RELN: variants seen among roughly 807,000 people sequenced by gnomAD.
The protein encoded by RELN is reelin.
A neutral mutation model predicts 427.6 loss-of-function variants in RELN; 108 were observed. The ratio of observed to expected loss-of-function variants is 0.25; its 90% CI spans 0.22 to 0.30. RELN has a LOEUF of 0.30. Ranked by LOEUF, RELN falls within the 10% of genes least tolerant of loss-of-function variation. The pLI, the probability that RELN is intolerant of heterozygous loss-of-function variation, is 1.00. For synonymous variants in RELN, 1,524 were observed against 1,513.4 expected, an observed-to-expected ratio of 1.01 and a Z score of -0.16; for missense variants, 3,715 against 4,302.8, an observed-to-expected ratio of 0.86 and a Z score of 3.82.
Position 103,557,997 on chromosome 7 carries a change from T to A in RELN, c.5582A>T (p.Tyr1861Phe). ...TATAAATCTAAGTGAAAACTGGACA[T>A]ACATTGTATTTGTACAATCTAGATC... The part of the protein sequence containing the change: ...SRDLDCTNTM[Y>F]VQFSLRFIAK... The change falls in exon 37 of 65, where the codon TAT (tyrosine) becomes TTT (phenylalanine). Residue 1861 changes from tyrosine (Y) to phenylalanine (F), a missense_variant. Around this residue, in one of 4 missense-constraint regions of RELN, gnomAD observed 2,208 missense variants for 2,361.7 expected, o/e 0.93. Transcript: ENST00000428762. 1 of 1,480,228 alleles carries A rather than the reference T, an allele frequency of 6.8e-7. No homozygotes were observed. Among genetic ancestry groups the A allele is most frequent in the Non-Finnish European group, 9.4e-7 (1 of 1,058,228 alleles). 91.7% of individuals were successfully genotyped at this position (1,480,228 alleles called of 1,614,324 possible). A position where few individuals can be genotyped will look rare whatever the true frequency, so the allele number is the denominator to read the frequency against.
At position 103,574,143 on chromosome 7, in the gene RELN, C is replaced by T. The variant is rs757645605; in HGVS notation, c.4460G>A (p.Gly1487Asp). 1 of 1,614,164 alleles carries T rather than the reference C, an allele frequency of 6.2e-7. No homozygotes were observed. Among genetic ancestry groups the T allele is most frequent in the African/African-American group, 1.3e-5 (1 of 75,036 alleles). The change falls in exon 30 of 65, where the codon GGC becomes GAC. Residue 1487 changes from glycine to aspartate, a missense_variant. Coordinates refer to ENST00000428762, the MANE Select transcript of RELN (RefSeq NM_005045.4). ...LNDGKSLYFN[G>D]PGKREARTVP... The stretch of plus-strand genomic sequence containing the variant: ...CGTCCGGGCTTCCCTTTTCCCAGGG[C>T]CATTGAAGTAGAGAGATTTGCCATC...
chr7:103,944,986 TA>T (rs1225409777), intron 1 of RELN, among the ~76,000 whole-genome samples: 1 of 152,002 alleles, frequency 6.6e-6, no homozygotes, highest in Non-Finnish European at 1.5e-5. Context: ...GGTATGTTAT[TA>T]AAAAACAAAC....
At chr7:103,866,272 T>G (rs1204212386) in intron 2 of RELN, among the ~76,000 whole-genome samples, 1 of 152,082 alleles carries the variant, frequency 6.6e-6, no homozygotes, top group Admixed American at 6.6e-5. Context: ...CACTACAGCT[T>G]TAATACAACA....
At chr7:103,769,747 A>C (rs1791517483) in intron 4 of RELN, among the ~76,000 whole-genome samples, 1 of 152,206 alleles carries the variant, frequency 6.6e-6, no homozygotes, top group Non-Finnish European at 1.5e-5. Flanking sequence ...TTCACAGAAC[A>C]TCAACTTCAG....
chr7:103,823,097 G>A (rs1245217312), intron 3 of RELN, among the ~76,000 whole-genome samples: 1 of 151,864 alleles, frequency 6.6e-6, no homozygotes, highest in African/African-American at 2.4e-5. Flanking sequence ...TTAGGTAATT[G>A]CCCTTTTATC....
Position 103,472,605 on chromosome 7 carries a change from A to C in RELN, c.*207T>G. On this transcript the variant is annotated 3_prime_UTR_variant, in exon 65 of 65. Coordinates refer to ENST00000428762, the MANE Select transcript of RELN (RefSeq NM_005045.4). ...TCACAACTTTCACGGACACATCAAC[A>C]TGAAGACATTTACTTATGAGCAAAT... 1.8e-6 allele frequency: 1 copy of C among 563,376 alleles called. No homozygotes were observed. Among genetic ancestry groups the C allele is most frequent in the Non-Finnish European group, 3.2e-6 (1 of 312,510 alleles). 34.9% of individuals were successfully genotyped at this position (563,376 alleles called of 1,614,324 possible).
At chr7:103,699,163 TA>T (rs1220148681) in intron 9 of RELN, among the ~76,000 whole-genome samples, 1 of 152,126 alleles carries the variant, frequency 6.6e-6, no homozygotes, top group Non-Finnish European at 1.5e-5. Context: ...TTGCTAAGAT[TA>T]AAAGTGGTAC....
At chr7:103,504,482 G>C (rs1487025973) in intron 51 of RELN, 3 of 152,204 alleles carry the variant, frequency 2.0e-5, no homozygotes, top group East Asian at 1.9e-4. Context: ...GGCTGAATAG[G>C]AACAGCTCCA....
intron 63 of RELN, chr7:103,482,329 G>T (rs1156836980): frequency 3.6e-5 from 6 of 164,434 alleles, no homozygotes; most frequent in African/African-American, 1.5e-4. Flanking sequence ...AACCCGGCCA[G>T]GTGAGAGTGG....
intron 8 of RELN, among the ~76,000 whole-genome samples, chr7:103,706,788 C>T (rs529728270): frequency 1.3e-4 from 20 of 152,176 alleles, no homozygotes; most frequent in Admixed American, 4.6e-4. Flanking sequence ...AAGGACTAAA[C>T]CTTTAACCCC....
intron 12 of RELN, among the ~76,000 whole-genome samples, chr7:103,658,915 C>A (rs149192836): frequency 7.9e-4 from 120 of 151,958 alleles, no homozygotes; most frequent in African/African-American, 2.3e-3. Flanking sequence ...ACCTTCCACC[C>A]ACCTCTGTTT....
In RELN at chr7:103,825,188, G is replaced by A. The variant is rs116221442; in HGVS notation, c.473+8349C>T. Among the ~76,000 whole-genome samples, 672 of 152,070 alleles carry A rather than the reference G, an allele frequency of 4.4e-3. 6 individuals are homozygous for A. Among genetic ancestry groups the A allele is most frequent in the African/African-American group, 0.015 (628 of 41,500 alleles). On this transcript the variant is annotated intron_variant, in intron 3 of 64. Transcript: ENST00000428762. The stretch of plus-strand genomic sequence containing the variant: ...GGTACATGACAGTAAGTTTTCATGC[G>A]TAAGGGCACATTTGAAAAGATGCAG...
chr7:103,762,477 T>C (rs1211295342), intron 4 of RELN, among the ~76,000 whole-genome samples: 2 of 152,208 alleles, frequency 1.3e-5, no homozygotes, highest in Non-Finnish European at 2.9e-5. Flanking sequence ...AAGTTTCTTC[T>C]CTTTATCTCA....
chr7:103,794,033 C>T (rs1792235927), intron 3 of RELN, among the ~76,000 whole-genome samples: 1 of 152,130 alleles, frequency 6.6e-6, no homozygotes, highest in African/African-American at 2.4e-5. Context: ...TCCCAAAGTG[C>T]TGCAATTACA....
intron 19 of RELN, among the ~76,000 whole-genome samples, chr7:103,630,851 G>GTTTGTTTGTTTT (rs1562930901): frequency 9.7e-5 from 2 of 20,548 alleles, no homozygotes; most frequent in Non-Finnish European, 1.1e-4. Flanking sequence ...TTATTTTTTT[G>GTTTGTTTGTTTT]TTTTTTTTGT....
chr7:103,669,878 T>G (rs979067291), intron 11 of RELN, among the ~76,000 whole-genome samples: 9 of 152,100 alleles, frequency 5.9e-5, no homozygotes, highest in African/African-American at 1.7e-4. Flanking sequence ...CTTACCTTAT[T>G]TATTATAAAT....
intron 2 of RELN, among the ~76,000 whole-genome samples, chr7:103,898,230 T>C (rs1301820682): frequency 3.3e-5 from 5 of 151,982 alleles, no homozygotes; most frequent in Admixed American, 6.6e-5. Flanking sequence ...GGTAAATTTC[T>C]AAACTGTCTT....
At chr7:103,733,149 T>C (rs185448946) in intron 6 of RELN, among the ~76,000 whole-genome samples, 38 of 152,230 alleles carry the variant, frequency 2.5e-4, no homozygotes, top group Admixed American at 3.9e-4. Flanking sequence ...AGACACTTCT[T>C]AAAAGAAGAC....
chr7:103,978,472 G>A (rs530392039), intron 1 of RELN, among the ~76,000 whole-genome samples: 11 of 152,098 alleles, frequency 7.2e-5, no homozygotes, highest in Non-Finnish European at 1.2e-4. Context: ...CACACACCTC[G>A]TTCAGTATTT....
Sources: allele counts gnomAD v4.1 joint callset (sites outside exome capture counted in the v4.1 genomes callset), GRCh38; gene constraint gnomAD v4.1.1; regional missense constraint gnomAD v4.1.1; transcripts MANE v1.5; gene names NCBI Gene and HGNC (gene_info 2026-07-23, HGNC 2026-07-21).